The following RORA variants were observed in gnomAD, a reference collection of about 807,000 sequenced individuals.
RORA encodes the protein nuclear receptor ROR-alpha.
In RORA, 7 loss-of-function variants were observed where a neutral mutation model predicts 69.5. That is an observed-to-expected ratio of 0.10 (90% CI 0.06 to 0.19). The LOEUF is 0.19. Ranked by LOEUF, RORA falls within the 10% of genes least tolerant of loss-of-function variation. RORA has a pLI of 1.00. For synonymous variants in RORA, 261 were observed against 240.8 expected (o/e 1.08, Z -0.78); for missense variants, 457 against 663.0 (o/e 0.69, Z 3.41).
rs552695312 is a variant in RORA at position 60,489,852 on chromosome 15, A to G, written c.*7603T>C. The G allele has an allele frequency of 3.9e-5, 6 of 152,316 alleles. No individual in the cohort carries two copies. Among genetic ancestry groups the G allele is most frequent in the African/African-American group, 1.2e-4 (5 of 41,578 alleles). The allele number at this position is 152,316 out of a possible 1,614,324, so 9.4% of individuals were successfully genotyped here. A position where few individuals can be genotyped will look rare whatever the true frequency, so the allele number is the denominator to read the frequency against. ...CAGTAATACAATTCCTTAATAAGAA[A>G]AAAAAGTATATTACTCCATTAAACA... On this transcript the variant is annotated 3_prime_UTR_variant, in exon 11 of 11. Transcript: ENST00000335670.
At chr15:60,685,683 C>T (rs2113944) in intron 1 of RORA, among the ~76,000 whole-genome samples, 34,358 of 152,098 alleles carry the variant, frequency 0.23, 4,280 homozygotes, top group African/African-American at 0.31. Context: ...AATCTTTGGA[C>T]TTTGTTTCAA....
At chr15:60,731,732 AG>A (rs2071431049) in intron 1 of RORA, among the ~76,000 whole-genome samples, 1 of 152,236 alleles carries the variant, frequency 6.6e-6, no homozygotes, top group African/African-American at 2.4e-5. Context: ...TACTCCAGGC[AG>A]CCACTACCAG....
At chr15:60,695,885 C>T (rs1212487269) in intron 1 of RORA, among the ~76,000 whole-genome samples, 2 of 152,042 alleles carry the variant, frequency 1.3e-5, no homozygotes, top group African/African-American at 2.4e-5. Flanking sequence ...AGGACTCAGT[C>T]AGGAGCATCA....
chr15:60,667,285 C>T (rs1404389321), intron 2 of RORA, among the ~76,000 whole-genome samples: 1 of 152,172 alleles, frequency 6.6e-6, no homozygotes, highest in Non-Finnish European at 1.5e-5. Context: ...AGGTTTACTG[C>T]CTGACAAGCC....
chr15:60,765,119 T>C (rs1411280220), intron 1 of RORA: 1 of 152,130 alleles, frequency 6.6e-6, no homozygotes, highest in Non-Finnish European at 1.5e-5. Context: ...GTCTTTATAT[T>C]GGGAATATCC....
At position 60,494,773 on chromosome 15, in the gene RORA, T is replaced by C. The variant is rs890844443; in HGVS notation, c.*2682A>G. 9 of 152,214 alleles carry C rather than the reference T, an allele frequency of 5.9e-5. No individual in the cohort carries two copies. The highest frequency in any genetic ancestry group is 8.8e-5 in the Non-Finnish European group (6 of 68,046). 9.4% of individuals were successfully genotyped at this position (152,214 alleles called of 1,614,324 possible). A position where few individuals can be genotyped will look rare whatever the true frequency, so the allele number is the denominator to read the frequency against. On this transcript the variant is annotated 3_prime_UTR_variant, in exon 11 of 11. Transcript: ENST00000335670. ...CTGGGAAGAAGCATCATATTACCTATCTTGGTTTACCGTAAAAGCAATGTC... is the reference window on the plus strand; with the variant it reads ...CTGGGAAGAAGCATCATATTACCTACCTTGGTTTACCGTAAAAGCAATGTC...
chr15:61,098,129 C>CTCCCTCCCTCCTTCTT, intron 1 of RORA, among the ~76,000 whole-genome samples: 1 of 131,194 alleles, frequency 7.6e-6, no homozygotes, highest in South Asian at 2.8e-4. Context: ...CCTTCTCTCC[C>CTCCCTCCCTCCTTCTT]TCCCTCCCTC....
chr15:61,137,019 AAAAGAAAGAAAGAAAGAAAG>A (rs551072168), intron 1 of RORA, among the ~76,000 whole-genome samples: 1,573 of 61,170 alleles, frequency 0.026, 29 homozygotes, highest in African/African-American at 0.041. Flanking sequence ...AAATAAATAA[AAAAGAAAGAAAGAAAGAAAG>A]AAAGAAAGAA....
At chr15:60,556,867 G>C (rs746916816) in intron 2 of RORA, 33 of 1,612,600 alleles carry the variant, frequency 2.0e-5, no homozygotes, top group South Asian at 3.3e-5. Flanking sequence ...CATGTATCCA[G>C]TTTGTACTTC....
chr15:60,802,228 C>A (rs2072592766), intron 1 of RORA, among the ~76,000 whole-genome samples: 2 of 152,218 alleles, frequency 1.3e-5, no homozygotes, highest in Admixed American at 1.3e-4. Flanking sequence ...ACCGTTACAA[C>A]CTTCTGGTCA....
chr15:61,056,512 G>T (rs2078098883), intron 1 of RORA, among the ~76,000 whole-genome samples: 1 of 152,090 alleles, frequency 6.6e-6, no homozygotes, highest in Non-Finnish European at 1.5e-5. Context: ...ACCATATTTT[G>T]GGTAAATATG....
At chr15:60,557,564 C>T (rs1438304341) in intron 2 of RORA, among the ~76,000 whole-genome samples, 1 of 152,216 alleles carries the variant, frequency 6.6e-6, no homozygotes, top group Non-Finnish European at 1.5e-5. Context: ...GCATTATAAA[C>T]ATAGGAAATT....
intron 1 of RORA, among the ~76,000 whole-genome samples, chr15:61,118,430 G>A (rs1242017183): frequency 6.6e-6 from 1 of 152,152 alleles, no homozygotes; most frequent in African/African-American, 2.4e-5. Context: ...TGCATCTCTG[G>A]TTATTAAGGA....
intron 1 of RORA, among the ~76,000 whole-genome samples, chr15:60,956,297 A>T (rs540238759): frequency 6.6e-6 from 1 of 152,308 alleles, no homozygotes; most frequent in African/African-American, 2.4e-5. Flanking sequence ...TTTACAAAAC[A>T]TATTCTTCAT....
intron 1 of RORA, among the ~76,000 whole-genome samples, chr15:61,044,650 A>C (rs1896939592): frequency 6.6e-6 from 1 of 152,222 alleles, no homozygotes; most frequent in South Asian, 2.1e-4. Context: ...TCACACAAAT[A>C]TTTAACACTG....
intron 2 of RORA, among the ~76,000 whole-genome samples, chr15:60,635,353 T>G (rs773170711): frequency 6.6e-6 from 1 of 152,172 alleles, no homozygotes; most frequent in African/African-American, 2.4e-5. Context: ...ATTTTTTTGA[T>G]GTGGAGAAGG....
chr15:60,948,439 T>G (rs1277389694), intron 1 of RORA, among the ~76,000 whole-genome samples: 1 of 152,212 alleles, frequency 6.6e-6, no homozygotes, highest in African/African-American at 2.4e-5. Context: ...ATACTCTCCA[T>G]GGTTCATTTC....
intron 1 of RORA, among the ~76,000 whole-genome samples, chr15:61,167,333 TTGTC>T (rs1215343528): frequency 6.6e-6 from 1 of 152,316 alleles, no homozygotes; most frequent in African/African-American, 2.4e-5. Flanking sequence ...ACAATGTTCT[TTGTC>T]TGCTAGGTTT....
intron 1 of RORA, among the ~76,000 whole-genome samples, chr15:61,119,621 C>T (rs565472528): frequency 6.6e-6 from 1 of 152,126 alleles, no homozygotes; most frequent in African/African-American, 2.4e-5. Context: ...AACTATCCTT[C>T]AGGGCTTCCT....
Sources: gnomAD v4.1 joint callset for allele counts (sites outside exome capture counted in the v4.1 genomes callset) on GRCh38, gnomAD v4.1.1 for gene constraint, MANE v1.5 for transcripts, NCBI Gene and HGNC (gene_info 2026-07-23, HGNC 2026-07-21) for gene names.